The following MAPKAP1 variants were observed in gnomAD, a reference collection of about 807,000 sequenced individuals.
MAPKAP1 encodes target of rapamycin complex 2 subunit MAPKAP1.
Under a neutral mutation model 65.7 loss-of-function variants are expected in MAPKAP1, and 20 were observed. The observed-to-expected ratio is 0.30, with a 90% CI of 0.21 to 0.44. The LOEUF is 0.44. Ranked by LOEUF, MAPKAP1 falls within the 20% of genes least tolerant of loss-of-function variation. MAPKAP1 has a pLI of 1.00. For missense variants in MAPKAP1, 423 were observed against 648.0 expected (o/e 0.65, Z 3.77); for synonymous variants, 222 against 244.3 (o/e 0.91, Z 0.85).
chr9:125,667,858 A>G (rs984868901), intron 3 of MAPKAP1, among the ~76,000 whole-genome samples: 40 of 152,226 alleles, frequency 2.6e-4, no homozygotes, highest in Non-Finnish European at 1.8e-4. Context: ...TAAGATATAT[A>G]AAAAATTTGA....
At chr9:125,662,977 T>C (rs1178291502) in intron 3 of MAPKAP1, among the ~76,000 whole-genome samples, 1 of 152,152 alleles carries the variant, frequency 6.6e-6, no homozygotes, top group Non-Finnish European at 1.5e-5. Flanking sequence ...CCATGTACTG[T>C]TCATTGTTGA....
At chr9:125,585,508 C>G (rs1436743950) in intron 5 of MAPKAP1, 47 bp downstream of exon 5, 2 of 1,593,102 alleles carry the variant, frequency 1.3e-6, no homozygotes, top group Admixed American at 3.4e-5. Context: ...CCTTGGGTGG[C>G]CAAAAGACCA....
At chr9:125,676,211 T>C (rs904334781) in intron 1 of MAPKAP1, among the ~76,000 whole-genome samples, 3 of 152,206 alleles carry the variant, frequency 2.0e-5, no homozygotes, top group Non-Finnish European at 4.4e-5. Context: ...TTTACCAAAA[T>C]ATAAAACATG....
intron 4 of MAPKAP1, among the ~76,000 whole-genome samples, chr9:125,637,934 G>A (rs1370879119): frequency 6.6e-6 from 1 of 152,084 alleles, no homozygotes; most frequent in Non-Finnish European, 1.5e-5. Context: ...CACCACACCT[G>A]GCTAATTTTT....
chr9:125,520,527 T>G (rs1479647867), intron 7 of MAPKAP1, among the ~76,000 whole-genome samples: 1 of 152,308 alleles, frequency 6.6e-6, no homozygotes, highest in East Asian at 1.9e-4. Context: ...CTTTACTCTG[T>G]TTTTTCCCAC....
chr9:125,534,186 C>A (rs1214460558), intron 7 of MAPKAP1, among the ~76,000 whole-genome samples: 1 of 152,004 alleles, frequency 6.6e-6, no homozygotes, highest in African/African-American at 2.4e-5. Flanking sequence ...AAACAAAAAA[C>A]AGGAATCCTG....
At chr9:125,501,557 T>C (rs999993797) in intron 8 of MAPKAP1, among the ~76,000 whole-genome samples, 53 of 152,338 alleles carry the variant, frequency 3.5e-4, no homozygotes, top group African/African-American at 1.2e-3. Context: ...CCTTTTTCTA[T>C]TCTCTGCAAC....
At chr9:125,565,718 C>A in intron 5 of MAPKAP1, 1 of 363,870 alleles carries the variant, frequency 2.7e-6, no homozygotes, top group Non-Finnish European at 5.4e-6. Flanking sequence ...TAGATAACTT[C>A]CTGATCCTCA....
chr9:125,655,955 G>T (rs1316895796), intron 4 of MAPKAP1, among the ~76,000 whole-genome samples: 1 of 152,164 alleles, frequency 6.6e-6, no homozygotes, highest in Non-Finnish European at 1.5e-5. Flanking sequence ...TACTTCAGAA[G>T]TTAGATATAT....
intron 5 of MAPKAP1, 41 bp downstream of exon 5, chr9:125,585,514 G>T (rs1831754244): frequency 1.2e-6 from 2 of 1,600,148 alleles, no homozygotes; most frequent in Non-Finnish European, 8.5e-7. Flanking sequence ...GTGGCCAAAA[G>T]ACCACAAGAA....
intron 5 of MAPKAP1, among the ~76,000 whole-genome samples, chr9:125,560,171 C>A (rs1830850887): frequency 6.6e-6 from 1 of 152,034 alleles, no homozygotes; most frequent in South Asian, 2.1e-4. Flanking sequence ...ATTACACTAG[C>A]TACAATACAA....
At chr9:125,508,809 C>T (rs1203957885) in intron 7 of MAPKAP1, among the ~76,000 whole-genome samples, 3 of 152,050 alleles carry the variant, frequency 2.0e-5, no homozygotes, top group Admixed American at 6.5e-5. Context: ...TATGACTGTG[C>T]CACTGCACTA....
chr9:125,658,471 G>C (rs750709761), intron 3 of MAPKAP1, among the ~76,000 whole-genome samples: 1 of 152,086 alleles, frequency 6.6e-6, no homozygotes, highest in East Asian at 1.9e-4. Flanking sequence ...AGATACTAGC[G>C]TTATCTCAGA....
chr9:125,499,558 G>A (rs1381421436), intron 8 of MAPKAP1, among the ~76,000 whole-genome samples: 2 of 152,190 alleles, frequency 1.3e-5, no homozygotes, highest in Non-Finnish European at 2.9e-5. Context: ...CCTTTAAGAT[G>A]AGGATGCTGA....
chr9:125,448,182 G>A (rs988801535), intron 10 of MAPKAP1, among the ~76,000 whole-genome samples: 1 of 152,190 alleles, frequency 6.6e-6, no homozygotes, highest in African/African-American at 2.4e-5. Flanking sequence ...GACAGGTGCA[G>A]AAAGGATACT....
At chr9:125,619,574 C>T (rs1336925650) in intron 4 of MAPKAP1, among the ~76,000 whole-genome samples, 1 of 151,560 alleles carries the variant, frequency 6.6e-6, no homozygotes, top group Non-Finnish European at 1.5e-5. Flanking sequence ...AAAACTACTA[C>T]ATAGAATTTG....
At chr9:125,608,685 C>G (rs779611517) in intron 4 of MAPKAP1, among the ~76,000 whole-genome samples, 2 of 152,204 alleles carry the variant, frequency 1.3e-5, no homozygotes, top group African/African-American at 4.8e-5. Context: ...CCGACGCCTG[C>G]GCTCAGGGGT....
intron 5 of MAPKAP1, among the ~76,000 whole-genome samples, chr9:125,576,693 A>AT (rs1831412710): frequency 6.6e-6 from 1 of 152,104 alleles, no homozygotes; most frequent in Non-Finnish European, 1.5e-5. Context: ...TGGTTTTTGT[A>AT]TTTTTTTGGT....
In MAPKAP1 at chr9:125,506,400, C is replaced by T; in HGVS notation, c.976G>A (p.Glu326Lys). Reference protein sequence around the residue: ...QKVSGPQYRLEKQSEPNVAVD... With the variant: ...QKVSGPQYRLKKQSEPNVAVD... ...GCGACATTGGGCTCGCTCTGCTTCT[C>T]CAGGCGGTACTGAGGGCCTGGAAGA... is the stretch of plus-strand genomic sequence containing the variant. Residue 326 changes from glutamate (E) to lysine (K), a missense_variant, in exon 8 of 12, where the codon GAG (glutamate) becomes AAG (lysine). Glu to Lys is a moderately conservative substitution (Grantham distance 56). This residue lies in a region of MAPKAP1 where 185 missense variants were observed against 268.1 expected (regional missense o/e 0.69). Transcript: ENST00000265960. 6.2e-7 allele frequency: 1 copy of T among 1,614,046 alleles called. No individual in the cohort carries two copies. Among genetic ancestry groups the T allele is most frequent in the South Asian group, 1.1e-5 (1 of 91,086 alleles).
Sources: allele counts gnomAD v4.1 joint callset (sites outside exome capture counted in the v4.1 genomes callset), GRCh38; gene constraint gnomAD v4.1.1; regional missense constraint gnomAD v4.1.1; transcripts MANE v1.5; gene names NCBI Gene and HGNC (gene_info 2026-07-23, HGNC 2026-07-21).